The following ANXA9 variants were observed in gnomAD, a reference collection of about 807,000 sequenced individuals.
The protein encoded by ANXA9 is annexin 31.
In ANXA9, 47 loss-of-function variants were observed where a neutral mutation model predicts 51.8. That is an observed-to-expected ratio of 0.91 (90% CI 0.72 to 1.16). The LOEUF (loss-of-function observed/expected upper bound fraction) is 1.16. ANXA9 is among the 50% of genes most tolerant of loss of function. The pLI, the probability that ANXA9 is intolerant of heterozygous loss-of-function variation, is 0.00. For missense variants in ANXA9, 361 were observed against 424.7 expected, an observed-to-expected ratio of 0.85 and a Z score of 1.32; for synonymous variants, 154 against 168.7, an observed-to-expected ratio of 0.91 and a Z score of 0.68.
chr1:150,979,558 G>A (rs587724032), upstream of ANXA9, among the ~76,000 whole-genome samples: 4 of 152,230 alleles, frequency 2.6e-5, no homozygotes, highest in East Asian at 1.9e-4. Flanking sequence ...GGAACCTGGC[G>A]TCCTCAGGAG....
At position 150,983,984 on chromosome 1, in the gene ANXA9, G is replaced by A. The variant is rs773683908; in HGVS notation, c.182G>A (p.Arg61His). Residue 61 changes from arginine (R) to histidine (H), a missense_variant, in exon 5 of 14, where the codon CGC (arginine) becomes CAC (histidine). Physicochemically the swap from Arg to His is conservative, Grantham distance 29 (BLOSUM62 0). Coordinates refer to ENST00000368947, the MANE Select transcript of ANXA9 (RefSeq NM_003568.3). Reference sequence around the variant, plus strand: ...CCTCATCTCGGTTCAGGCGTGGACCGCAGTGCCATTGTGGACGTGCTGACC... The same window carrying A: ...CCTCATCTCGGTTCAGGCGTGGACCACAGTGCCATTGTGGACGTGCTGACC... ...LRAITGQGVD[R>H]SAIVDVLTNR... The A allele has an allele frequency of 2.8e-5, 45 of 1,611,970 alleles. No individual in the cohort carries two copies. In the Admixed American group the frequency reaches 3.2e-4, roughly 11 times the overall value.
intron 9 of ANXA9, 122 bp from the exon 10 acceptor site, chr1:150,987,750 T>G: frequency 2.5e-6 from 2 of 810,208 alleles, no homozygotes; most frequent in Non-Finnish European, 2.0e-6. Flanking sequence ...AAAAATCCTT[T>G]TCCACCCTCA....
chr1:150,985,190 T>TCTCACA (rs1553245700), intron 7 of ANXA9, among the ~76,000 whole-genome samples: 3 of 146,946 alleles, frequency 2.0e-5, no homozygotes, highest in East Asian at 2.0e-4. Flanking sequence ...TCTCTCTCTC[T>TCTCACA]CACACACACA....
upstream of ANXA9, among the ~76,000 whole-genome samples, chr1:150,979,446 C>T (rs760463778): frequency 1.3e-5 from 2 of 152,224 alleles, no homozygotes; most frequent in African/African-American, 2.4e-5. Flanking sequence ...CTGCGGTCAC[C>T]CAGTCTCCTG....
chr1:150,995,197 G>GGA, intron 13 of ANXA9, 63 bp from the exon 14 acceptor site: 1 of 1,530,430 alleles, frequency 6.5e-7, no homozygotes, highest in Non-Finnish European at 8.9e-7. Flanking sequence ...CCAAAGGAGG[G>GGA]GAGAGAGCAC....
In ANXA9 at chr1:150,983,391, G is replaced by C. The variant is rs371393915; in HGVS notation, c.129G>C (p.Val43=). The C allele has an allele frequency of 2.5e-6, 4 of 1,613,972 alleles. No homozygotes were observed. The South Asian group carries it at 4.4e-5, about 18-fold the overall frequency. Residue 43 remains valine, a synonymous_variant, in exon 4 of 14, where the codon GTG becomes GTC. Transcript: ENST00000368947. ...GTLRTFLNFS[V]DKDAQRLLRA... ...TCAGGACCTTCTTGAACTTCAGCGTGGACAAGGATGCGCAGAGGCTACTGA... is the reference window on the plus strand; with the variant it reads ...TCAGGACCTTCTTGAACTTCAGCGTCGACAAGGATGCGCAGAGGCTACTGA...
upstream of ANXA9, among the ~76,000 whole-genome samples, chr1:150,978,611 C>A (rs1671371779): frequency 6.6e-6 from 1 of 152,060 alleles, no homozygotes; most frequent in Non-Finnish European, 1.5e-5. Context: ...AACATGGATG[C>A]TAGTTCCAAC....
chr1:150,995,254 C>T lies in ANXA9; in HGVS notation c.976-6C>T, dbSNP rs1360880546. On this transcript the variant is annotated splice_polypyrimidine_tract_variant and splice_region_variant and intron_variant, in intron 13 of 13. Transcript: ENST00000368947. ...TCTTTCTAACACTGAATTCCCTTGT[C>T]TGCAGGATGCAGTGAAAGGGGATTG... 1.2e-6 allele frequency: 2 copies of T among 1,609,480 alleles called. No homozygotes were observed. The highest frequency in any genetic ancestry group is 2.7e-5 in the African/African-American group (2 of 74,786).
In ANXA9 at chr1:150,994,908, A is replaced by G. The variant is rs1241136601; in HGVS notation, c.975+209A>G. On this transcript the variant is annotated intron_variant, in intron 13 of 13. Coordinates refer to ENST00000368947, the MANE Select transcript of ANXA9 (RefSeq NM_003568.3). ...GGAGTTCAAGACCACCCTGACCAAC[A>G]TGGTGAAACCCCGTCTCTACTAAAA... The G allele has an allele frequency of 1.3e-5, 9 of 698,330 alleles. No homozygotes were observed. In the Admixed American group the frequency reaches 1.9e-4, roughly 15 times the overall value. The allele number at this position is 698,330 out of a possible 1,614,324, so 43.3% of individuals were successfully genotyped here.
chr1:150,986,553 T>C (rs761427487), intron 8 of ANXA9, 49 bp from the exon 9 acceptor site: 46 of 1,601,776 alleles, frequency 2.9e-5, no homozygotes, highest in Non-Finnish European at 3.9e-5. Context: ...GGTCTGAAGA[T>C]AAAAAGGTGC....
At chr1:150,984,538 A>G in intron 6 of ANXA9, 48 bp from the exon 7 acceptor site, 1 of 1,574,514 alleles carries the variant, frequency 6.4e-7, no homozygotes, top group Non-Finnish European at 8.7e-7. Context: ...TCTGTCTGCC[A>G]TCCTAATGAC....
intron 10 of ANXA9, 57 bp downstream of exon 10, chr1:150,988,013 G>C: frequency 6.2e-7 from 1 of 1,613,750 alleles, no homozygotes; most frequent in East Asian, 2.2e-5. Context: ...TTGGGCTGAG[G>C]AAGGTGGGGA....
chr1:150,995,188 C>A, intron 13 of ANXA9, 72 bp from the exon 14 acceptor site: 1 of 1,500,286 alleles, frequency 6.7e-7, no homozygotes, highest in Non-Finnish European at 9.1e-7. Flanking sequence ...TGGACCAGCC[C>A]AAAGGAGGGG....
chr1:150,987,100 G>T (rs1671578754), intron 9 of ANXA9, among the ~76,000 whole-genome samples: 1 of 152,108 alleles, frequency 6.6e-6, no homozygotes, highest in Admixed American at 6.6e-5. Context: ...AGGCATGGTG[G>T]CTTATACCTG....
upstream of ANXA9, among the ~76,000 whole-genome samples, chr1:150,981,738 C>T (rs1421240743): frequency 6.6e-6 from 1 of 152,238 alleles, no homozygotes; most frequent in Non-Finnish European, 1.5e-5. Context: ...TGTGCCCTTC[C>T]TTCTCCACAG....
chr1:150,994,623 G>T lies in ANXA9; in HGVS notation c.899G>T (p.Arg300Leu), dbSNP rs201078370. 2.0e-4 allele frequency: 316 copies of T among 1,613,742 alleles called. 1 individual carries two copies. Among genetic ancestry groups the T allele is most frequent in the Non-Finnish European group, 2.4e-4 (279 of 1,179,950 alleles). The part of the protein sequence containing the change: ...YQVLIRILIS[R>L]CETDLLSIRA... Reference sequence around the variant, plus strand: ...GTCCTGATTCGCATCCTTATCTCTCGATGTGAGACTGACCTTCTGAGTATC... The same window carrying T: ...GTCCTGATTCGCATCCTTATCTCTCTATGTGAGACTGACCTTCTGAGTATC... Residue 300 changes from arginine to leucine, a missense_variant, in exon 13 of 14, where the codon CGA (arginine) becomes CTA (leucine). Transcript: ENST00000368947.
chr1:150,978,285 G>A (rs1418929976), upstream of ANXA9, among the ~76,000 whole-genome samples: 1 of 151,970 alleles, frequency 6.6e-6, no homozygotes, highest in Non-Finnish European at 1.5e-5. Flanking sequence ...ACAAAAATTA[G>A]CTGGGTGTGG....
rs1671498048 is a variant in ANXA9 at position 150,984,388 on chromosome 1, T to G, written c.375T>G (p.Ala125=). ...TTGACGCCCAGGAATTGAGGACAGC[T>G]CTGAAGGTAGCAGGAGGGGAGACTT... ...AQFDAQELRT[A]LKASDSAVDV... The change falls in exon 6 of 14, where the codon GCT becomes GCG. Residue 125 remains alanine (A), a synonymous_variant. Coordinates refer to ENST00000368947, the MANE Select transcript of ANXA9 (RefSeq NM_003568.3). 2 of 1,613,864 alleles carry G rather than the reference T, an allele frequency of 1.2e-6. No individual in the cohort carries two copies. The highest frequency in any genetic ancestry group is 1.1e-5 in the South Asian group (1 of 91,068).
chr1:150,980,869 G>A (rs1671404533), upstream of ANXA9, among the ~76,000 whole-genome samples: 1 of 148,800 alleles, frequency 6.7e-6, no homozygotes, highest in Admixed American at 6.8e-5. Flanking sequence ...ATGAGCCACC[G>A]TGCCTGGCCA....
Sources: gnomAD v4.1 joint callset for allele counts (sites outside exome capture counted in the v4.1 genomes callset) on GRCh38, gnomAD v4.1.1 for gene constraint, MANE v1.5 for transcripts, NCBI Gene and HGNC (gene_info 2026-07-23, HGNC 2026-07-21) for gene names.